Variants in ETV5 observed in about 807,000 individuals in gnomAD.
ETV5 encodes ETS variant transcription factor 5.
ETV5 carries 10 observed loss-of-function variants against 70.0 expected under a neutral mutation model. That is an observed-to-expected ratio of 0.14 (90% CI 0.09 to 0.24). ETV5 has a LOEUF of 0.24. Ranked by LOEUF, ETV5 falls within the 10% of genes least tolerant of loss-of-function variation. The probability of loss-of-function intolerance (pLI) is 1.00; values close to 1 mark genes in which losing one functional copy is unlikely to be tolerated. For missense variants in ETV5, 453 were observed against 651.2 expected, an observed-to-expected ratio of 0.70 and a Z score of 3.31; for synonymous variants, 216 against 242.2, an observed-to-expected ratio of 0.89 and a Z score of 1.01.
intron 11 of ETV5, 90 bp downstream of exon 11, chr3:186,056,985 G>T: frequency 6.9e-7 from 1 of 1,458,322 alleles, no homozygotes; most frequent in South Asian, 1.3e-5. Flanking sequence ...GAGCAGACTT[G>T]ACACAAAAAG....
chr3:186,056,270 A>G (rs1267443547), intron 11 of ETV5, among the ~76,000 whole-genome samples: 1 of 152,122 alleles, frequency 6.6e-6, no homozygotes, highest in African/African-American at 2.4e-5. Context: ...GTGATGTCAC[A>G]TAACACACTT....
At chr3:186,080,930 A>G (rs1713918599) in intron 6 of ETV5, 116 bp downstream of exon 6, 4 of 1,258,276 alleles carry the variant, frequency 3.2e-6, no homozygotes, top group Non-Finnish European at 4.4e-6. Context: ...TGAAAGAAGG[A>G]TATGTTTTAC....
chr3:186,091,915 C>A (rs868537629), intron 5 of ETV5, among the ~76,000 whole-genome samples: 53 of 152,108 alleles, frequency 3.5e-4, no homozygotes, highest in Admixed American at 6.6e-5. Context: ...GAAATTAGAG[C>A]CAAGTCTTGC....
intron 7 of ETV5, among the ~76,000 whole-genome samples, chr3:186,072,388 A>G (rs923557850): frequency 2.1e-4 from 32 of 152,046 alleles, no homozygotes; most frequent in African/African-American, 7.2e-4. Flanking sequence ...AAAAAGAAAA[A>G]AAAGATATGC....
intron 12 of ETV5, among the ~76,000 whole-genome samples, chr3:186,049,515 A>C (rs1262225345): frequency 6.6e-6 from 1 of 152,174 alleles, no homozygotes; most frequent in Non-Finnish European, 1.5e-5. Context: ...CGTCAATGGG[A>C]TCACCTTCTC....
chr3:186,072,057 C>T (rs140562962), intron 7 of ETV5, among the ~76,000 whole-genome samples: 2,806 of 146,980 alleles, frequency 0.019, 98 homozygotes, highest in African/African-American at 0.066. Flanking sequence ...ACCTCAGCCT[C>T]CCAAAGTGCT....
intron 5 of ETV5, among the ~76,000 whole-genome samples, chr3:186,085,966 C>T (rs1714047985): frequency 1.3e-5 from 2 of 152,192 alleles, no homozygotes; most frequent in Admixed American, 6.5e-5. Flanking sequence ...GTCACTACCA[C>T]CCAGACTCCG....
chr3:186,078,904 G>A lies in ETV5; in HGVS notation c.650+913C>T, dbSNP rs1713862788. The A allele has an allele frequency of 1.8e-5, 5 of 271,026 alleles. No individual in the cohort carries two copies. In the East Asian group the frequency reaches 3.0e-4, roughly 16 times the overall value. 16.8% of individuals were successfully genotyped at this position (271,026 alleles called of 1,614,324 possible). A position where few individuals can be genotyped will look rare whatever the true frequency, so the allele number is the denominator to read the frequency against. On this transcript the variant is annotated intron_variant, in intron 7 of 12. Coordinates refer to ENST00000306376, the MANE Select transcript of ETV5 (RefSeq NM_004454.3). Reference sequence around the variant, plus strand: ...CATCTAGAAATAAAATGACCTCCAAGTAAATACTGGTAGGCATCTGGAATG... The same window carrying A: ...CATCTAGAAATAAAATGACCTCCAAATAAATACTGGTAGGCATCTGGAATG...
At chr3:186,069,013 T>C (rs957822559) in intron 7 of ETV5, among the ~76,000 whole-genome samples, 2 of 152,202 alleles carry the variant, frequency 1.3e-5, no homozygotes, top group Admixed American at 6.5e-5. Context: ...TTTAATAAAA[T>C]AGTTTGAATT....
At chr3:186,094,110 G>C (rs148030509) in intron 5 of ETV5, among the ~76,000 whole-genome samples, 1 of 152,204 alleles carries the variant, frequency 6.6e-6, no homozygotes, top group African/African-American at 2.4e-5. Context: ...TTCTATCAGC[G>C]AATGATATGG....
chr3:186,100,978 A>C (rs1196704601), intron 5 of ETV5, among the ~76,000 whole-genome samples: 4 of 152,238 alleles, frequency 2.6e-5, no homozygotes, highest in Admixed American at 1.3e-4. Flanking sequence ...TTAAGTACCC[A>C]GTCAGTTCAG....
intron 1 of ETV5, among the ~76,000 whole-genome samples, chr3:186,108,183 G>T (rs1233916904): frequency 9.6e-6 from 1 of 104,556 alleles, no homozygotes; most frequent in African/African-American, 3.9e-5. Flanking sequence ...GTTCCCCCCC[G>T]AGTTTTCTCC....
At position 186,052,190 on chromosome 3, in the gene ETV5, TCC is replaced by T. The variant is rs1320462983; in HGVS notation, c.1210-61_1210-60del. ...CGCATTCCCTGGGCCCCATGTTCTC[TCC>T]CAATCCCAGCAGAGCCAGTTCTGTA... On this transcript the variant is annotated intron_variant, in intron 11 of 12. Coordinates refer to ENST00000306376, the MANE Select transcript of ETV5 (RefSeq NM_004454.3). This position sits in a 1 kb window ranked among gnomAD's most constrained non-coding sequence, Gnocchi z 4.5. The T allele has an allele frequency of 1.7e-5, 26 of 1,530,058 alleles. No homozygotes were observed. In the African/African-American group the frequency reaches 2.9e-4, roughly 17 times the overall value. The allele number at this position is 1,530,058 out of a possible 1,614,324, so 94.8% of individuals were successfully genotyped here. A position where few individuals can be genotyped will look rare whatever the true frequency, so the allele number is the denominator to read the frequency against.
chr3:186,098,485 G>A (rs1304295282), intron 5 of ETV5, among the ~76,000 whole-genome samples: 1 of 152,100 alleles, frequency 6.6e-6, no homozygotes, highest in Non-Finnish European at 1.5e-5. Context: ...TACCTATTAA[G>A]ACAATTTCAC....
chr3:186,052,035 G>T lies in ETV5; in HGVS notation c.1306C>A (p.Gln436Lys), dbSNP rs575192498. 1.2e-6 allele frequency: 2 copies of T among 1,613,558 alleles called. No individual in the cohort carries two copies. The highest frequency in any genetic ancestry group is 1.7e-5 in the Admixed American group (1 of 59,990). The change falls in exon 12 of 13, where the codon CAG becomes AAG. Residue 436 changes from glutamine (Q) to lysine (K), a missense_variant. Physicochemically the swap from Gln to Lys is moderately conservative, Grantham distance 53. This residue lies in a region of ETV5 where 25 missense variants were observed against 114.3 expected (regional missense o/e 0.22). Transcript: ENST00000306376. This position sits in a 1 kb window ranked among gnomAD's most constrained non-coding sequence, Gnocchi z 4.5. The part of the protein sequence containing the change: ...LRYYYEKGIM[Q>K]KVAGERYVYK... ...GGTCTTGTATAATGGCTCACCTTCT[G>T]CATGATGCCCTTTTCATAGTAATAG... is the stretch of plus-strand genomic sequence containing the variant.
rs566356181 is a variant in ETV5 at position 186,054,003 on chromosome 3, C to A, written c.1210-1872G>T. On this transcript the variant is annotated intron_variant, in intron 11 of 12. Transcript: ENST00000306376. This position sits in a 1 kb window ranked among gnomAD's most constrained non-coding sequence, Gnocchi z 4.4. ...ATCCTTGAATATTCTTCAACTTCAG[C>A]GGCCACCTCTCAGCTGTCACTTGCA... Among the ~76,000 whole-genome samples, 1 of 152,242 alleles carries A rather than the reference C, an allele frequency of 6.6e-6. No individual in the cohort carries two copies. Among genetic ancestry groups the A allele is most frequent in the Non-Finnish European group, 1.5e-5 (1 of 68,046 alleles).
At position 186,048,108 on chromosome 3, in the gene ETV5, G is replaced by C. The variant is rs116538580; in HGVS notation, c.*531C>G. On this transcript the variant is annotated 3_prime_UTR_variant, in exon 13 of 13. Coordinates refer to ENST00000306376, the MANE Select transcript of ETV5 (RefSeq NM_004454.3). ...GACTGCCCCCCTTTTTCTAGACAAG[G>C]GGTAATATTTCAGATTCAGCTAGAA... The C allele has an allele frequency of 1.7e-3, 393 of 234,598 alleles. 4 individuals are homozygous for C. Among genetic ancestry groups the C allele is most frequent in the African/African-American group, 8.2e-3 (372 of 45,414 alleles). The allele number at this position is 234,598 out of a possible 1,614,324, so 14.5% of individuals were successfully genotyped here. A position where few individuals can be genotyped will look rare whatever the true frequency, so the allele number is the denominator to read the frequency against.
chr3:186,089,043 T>C (rs1714121931), intron 5 of ETV5, among the ~76,000 whole-genome samples: 1 of 152,224 alleles, frequency 6.6e-6, no homozygotes, highest in Non-Finnish European at 1.5e-5. Flanking sequence ...CAATATTCTT[T>C]GTAACTGCTC....
rs547677832 is a variant in ETV5, at chr3:186,057,563, G to A, written c.971-72C>T. 8.0e-7 allele frequency: 1 copy of A among 1,253,988 alleles called. No homozygotes were observed. The highest frequency in any genetic ancestry group is 1.2e-5 in the South Asian group (1 of 83,034). 77.7% of individuals were successfully genotyped at this position (1,253,988 alleles called of 1,614,324 possible). ...TGTTGTACTAAAACTATGGATTTAA[G>A]GACTAGAGTGCAATCCTATCATTTC... On this transcript the variant is annotated intron_variant, in intron 9 of 12. Transcript: ENST00000306376. This position sits in a 1 kb window ranked among gnomAD's most constrained non-coding sequence, Gnocchi z 4.9.
Sources: allele counts gnomAD v4.1 joint callset (sites outside exome capture counted in the v4.1 genomes callset), GRCh38; gene constraint gnomAD v4.1.1; regional missense constraint gnomAD v4.1.1; non-coding constraint Gnocchi (gnomAD v3.1); transcripts MANE v1.5; gene names NCBI Gene and HGNC (gene_info 2026-07-23, HGNC 2026-07-21).